The following TRABD2B variants were observed in gnomAD, a reference collection of about 807,000 sequenced individuals.
TRABD2B encodes TraB domain containing 2B, also known as metalloprotease TIKI2.
A neutral mutation model predicts 40.1 loss-of-function variants in TRABD2B; 14 were observed. The observed-to-expected ratio is 0.35, with a 90% CI of 0.23 to 0.55. The LOEUF (loss-of-function observed/expected upper bound fraction) is 0.55. Ranked by LOEUF, TRABD2B falls within the 20% of genes least tolerant of loss-of-function variation. The pLI is 0.90. For synonymous variants in TRABD2B, 263 were observed against 277.0 expected (o/e 0.95, Z 0.50); for missense variants, 541 against 648.6 (o/e 0.83, Z 1.80).
intron 2 of TRABD2B, among the ~76,000 whole-genome samples, chr1:47,833,452 C>A (rs1445507271): frequency 6.6e-6 from 1 of 152,218 alleles, no homozygotes; most frequent in Non-Finnish European, 1.5e-5. Context: ...GTTAAGATAA[C>A]CATGACCCTG....
intron 2 of TRABD2B, among the ~76,000 whole-genome samples, chr1:47,824,003 G>A (rs1645143661): frequency 1.3e-5 from 2 of 152,150 alleles, no homozygotes; most frequent in Admixed American, 6.5e-5. Context: ...TCCCCTGCTT[G>A]GGGGAATGGG....
At chr1:47,827,409 C>A (rs931668866) in intron 2 of TRABD2B, among the ~76,000 whole-genome samples, 2 of 152,230 alleles carry the variant, frequency 1.3e-5, no homozygotes, top group Non-Finnish European at 2.9e-5. Flanking sequence ...CATGGCAAGA[C>A]CCTTATCTCT....
At position 47,990,769 on chromosome 1, in the gene TRABD2B, TTTTATATATA is replaced by T. The variant is rs1301786867; in HGVS notation, c.666+3255_666+3264del. On this transcript the variant is annotated intron_variant, in intron 2 of 6. Transcript: ENST00000606738. ...CAAGTTGTTGGTTTTAAAACGTTGG[TTTTATATATA>T]TATATATATATATATATATATATAT... 1.5e-3 allele frequency among the ~76,000 whole-genome samples: 94 copies of T among 64,282 alleles called. 7 individuals are homozygous for T. The highest frequency in any genetic ancestry group is 8.6e-3 in the Middle Eastern group (1 of 116). 42.2% of individuals were successfully genotyped at this position (64,282 alleles called of 152,430 possible).
chr1:47,965,256 T>G, intron 2 of TRABD2B, among the ~76,000 whole-genome samples: 1 of 135,340 alleles, frequency 7.4e-6, no homozygotes, highest in African/African-American at 2.8e-5. Flanking sequence ...GGGGGAAAGT[T>G]TCAACAAGAG....
At chr1:47,810,570 G>A (rs577910600) in intron 2 of TRABD2B, among the ~76,000 whole-genome samples, 3 of 152,340 alleles carry the variant, frequency 2.0e-5, no homozygotes, top group South Asian at 4.1e-4. Flanking sequence ...TGAGGCGACG[G>A]ACCTGTGTTA....
intron 2 of TRABD2B, among the ~76,000 whole-genome samples, chr1:47,977,849 T>G (rs982198037): frequency 6.6e-5 from 10 of 152,014 alleles, no homozygotes; most frequent in Admixed American, 3.3e-4. Context: ...GCTGGAGGGC[T>G]CTAAAGGAGA....
intron 2 of TRABD2B, among the ~76,000 whole-genome samples, chr1:47,987,247 T>G (rs1038987156): frequency 6.6e-6 from 1 of 152,190 alleles, no homozygotes; most frequent in Non-Finnish European, 1.5e-5. Context: ...CTTGGAATTC[T>G]TGAGAGCTGG....
chr1:47,874,492 T>C (rs1644193632), intron 2 of TRABD2B, among the ~76,000 whole-genome samples: 1 of 149,718 alleles, frequency 6.7e-6, no homozygotes, highest in South Asian at 2.1e-4. Context: ...CAGGATGGTC[T>C]CGATCTCCTG....
At chr1:47,828,321 T>C (rs1296917213) in intron 2 of TRABD2B, among the ~76,000 whole-genome samples, 1 of 152,090 alleles carries the variant, frequency 6.6e-6, no homozygotes, top group East Asian at 1.9e-4. Context: ...GCTCCTGAAC[T>C]GAAAATCCCC....
chr1:47,910,472 A>G (rs1644747362), intron 2 of TRABD2B, among the ~76,000 whole-genome samples: 1 of 152,146 alleles, frequency 6.6e-6, no homozygotes, highest in Non-Finnish European at 1.5e-5. Context: ...CAATTAACCA[A>G]CAAAGTTCTA....
At chr1:47,990,292 G>A (rs1274204262) in intron 2 of TRABD2B, among the ~76,000 whole-genome samples, 1 of 152,194 alleles carries the variant, frequency 6.6e-6, no homozygotes, top group Non-Finnish European at 1.5e-5. Context: ...CATGCAGGGA[G>A]TTGAAGGGGA....
rs935229594 is a variant in TRABD2B at position 47,993,905 on chromosome 1, A to G, written c.666+129T>C. ...AGGTGCTGCCTCGCTGCCCAGCAGA[A>G]CCTCTCCTTCCAGAAAAAGGACCTG... is the stretch of plus-strand genomic sequence containing the variant. On this transcript the variant is annotated intron_variant, in intron 2 of 6. Transcript: ENST00000606738. 6.4e-6 allele frequency: 6 copies of G among 936,620 alleles called. No individual in the cohort carries two copies. In the Admixed American group the frequency reaches 8.4e-5, roughly 13 times the overall value. The allele number at this position is 936,620 out of a possible 1,614,324, so 58.0% of individuals were successfully genotyped here.
intron 2 of TRABD2B, among the ~76,000 whole-genome samples, chr1:47,890,049 G>A (rs1160266338): frequency 6.6e-6 from 1 of 152,172 alleles, no homozygotes; most frequent in Non-Finnish European, 1.5e-5. Context: ...ATCTGGCACA[G>A]GTTACCCTGC....
chr1:47,883,387 GTCA>G (rs1644330850), intron 2 of TRABD2B, among the ~76,000 whole-genome samples: 1 of 152,190 alleles, frequency 6.6e-6, no homozygotes, highest in Admixed American at 6.5e-5. Flanking sequence ...GTTCATCTCA[GTCA>G]TCATCAGAAT....
intron 2 of TRABD2B, among the ~76,000 whole-genome samples, chr1:47,957,192 A>C (rs1383262898): frequency 6.6e-6 from 1 of 152,236 alleles, no homozygotes; most frequent in Non-Finnish European, 1.5e-5. Flanking sequence ...ATCCACACCA[A>C]AACTCCATCT....
Position 47,778,482 on chromosome 1 carries a change from G to C in TRABD2B, c.1051C>G (p.His351Asp). The C allele has an allele frequency of 6.5e-7, 1 of 1,536,080 alleles. No individual in the cohort carries two copies. The highest frequency in any genetic ancestry group is 8.7e-7 in the Non-Finnish European group (1 of 1,146,866). ...ILRQAGLEVD[H>D]TPAGQAIHSP... is the part of the protein sequence containing the mutation. ...TGTATGGCCTGCCCGGCGGGTGTGTGGTCCACCTCCAGCCCTGCCTGCCGC... is the reference window on the plus strand; with the variant it reads ...TGTATGGCCTGCCCGGCGGGTGTGTCGTCCACCTCCAGCCCTGCCTGCCGC... The change falls in exon 5 of 7, where the codon CAC (histidine) becomes GAC (aspartate). Residue 351 changes from histidine (H) to aspartate (D), a missense_variant. Physicochemically the swap from His to Asp is moderately conservative, Grantham distance 81. Transcript: ENST00000606738.
intron 2 of TRABD2B, among the ~76,000 whole-genome samples, chr1:47,883,222 C>G (rs946407968): frequency 3.9e-5 from 6 of 152,162 alleles, no homozygotes; most frequent in African/African-American, 1.2e-4. Flanking sequence ...AAGGCCACAC[C>G]TGGGTTAAGC....
At chr1:47,934,647 C>T (rs1190226747) in intron 2 of TRABD2B, among the ~76,000 whole-genome samples, 1 of 152,188 alleles carries the variant, frequency 6.6e-6, no homozygotes, top group African/African-American at 2.4e-5. Flanking sequence ...TGGCTGGGGG[C>T]CCAGACTCAG....
At chr1:47,945,557 T>G (rs1645249309) in intron 2 of TRABD2B, among the ~76,000 whole-genome samples, 1 of 152,204 alleles carries the variant, frequency 6.6e-6, no homozygotes, top group Admixed American at 6.5e-5. Flanking sequence ...CTCCAAAGAA[T>G]TCGTGTCCCT....
Sources: allele counts gnomAD v4.1 joint callset (sites outside exome capture counted in the v4.1 genomes callset), GRCh38; gene constraint gnomAD v4.1.1; transcripts MANE v1.5; gene names NCBI Gene and HGNC (gene_info 2026-07-23, HGNC 2026-07-21).